C5orf47: variants seen among roughly 807,000 people sequenced by gnomAD.
The protein encoded by C5orf47 is uncharacterized protein C5orf47.
C5orf47 carries 20 observed loss-of-function variants against 20.6 expected under a neutral mutation model. The ratio of observed to expected loss-of-function variants is 0.97; its 90% CI spans 0.68 to 1.41. C5orf47 has a LOEUF of 1.41. Ranked by LOEUF, C5orf47 falls within the 40% of genes most tolerant of loss-of-function variation. The pLI, the probability that C5orf47 is intolerant of heterozygous loss-of-function variation, is 0.00. For missense variants in C5orf47, 262 were observed against 238.4 expected (o/e 1.10, Z -0.65); for synonymous variants, 106 against 97.3 (o/e 1.09, Z -0.53).
intron 4 of C5orf47, among the ~76,000 whole-genome samples, chr5:174,001,528 T>C (rs1759196744): frequency 6.6e-6 from 1 of 152,098 alleles, no homozygotes; most frequent in South Asian, 2.1e-4. Context: ...GGGTACAATA[T>C]GGTACATTAT....
At chr5:174,000,462 C>A (rs7702522) in intron 3 of C5orf47, among the ~76,000 whole-genome samples, 21,608 of 152,036 alleles carry the variant, frequency 0.14, 2,111 homozygotes, top group African/African-American at 0.27. Context: ...TGATAAATCA[C>A]AAGTTATTTT....
intron 3 of C5orf47, among the ~76,000 whole-genome samples, chr5:174,000,109 C>T (rs191604885): frequency 1.4e-4 from 22 of 152,170 alleles, no homozygotes; most frequent in Middle Eastern, 3.4e-3. Context: ...TTAAAAAATA[C>T]AAGTTACGAA....
At chr5:173,989,808 T>C (rs1758953813) in intron 1 of C5orf47, among the ~76,000 whole-genome samples, 1 of 152,214 alleles carries the variant, frequency 6.6e-6, no homozygotes, top group African/African-American at 2.4e-5. Context: ...GGAGAGGTTG[T>C]TGAATGGAGC....
At chr5:174,002,636 T>G (rs1168324923) in intron 4 of C5orf47, among the ~76,000 whole-genome samples, 1 of 152,178 alleles carries the variant, frequency 6.6e-6, no homozygotes, top group Non-Finnish European at 1.5e-5. Context: ...GTATATAACC[T>G]AAGAGCAAGA....
At chr5:173,994,721 G>A (rs1486311409) in intron 1 of C5orf47, among the ~76,000 whole-genome samples, 1 of 152,208 alleles carries the variant, frequency 6.6e-6, no homozygotes, top group East Asian at 1.9e-4. Context: ...TTATAGTCAA[G>A]GGAAGGGGGT....
rs915960106 is a variant in C5orf47, at chr5:174,005,703, T to G, written c.*1449T>G. On this transcript the variant is annotated 3_prime_UTR_variant, in exon 5 of 5. Coordinates refer to ENST00000340147, the MANE Select transcript of C5orf47 (RefSeq NM_001144954.2). ...ACACTGTTTATACTGTAATTTATGCTGCATAAAGTTTTGTAGTGAATGTGT... is the reference window on the plus strand; with the variant it reads ...ACACTGTTTATACTGTAATTTATGCGGCATAAAGTTTTGTAGTGAATGTGT... 2 of 152,366 alleles carry G rather than the reference T, an allele frequency of 1.3e-5. No homozygotes were observed. The highest frequency in any genetic ancestry group is 2.9e-5 in the Non-Finnish European group (2 of 68,032). The allele number at this position is 152,366 out of a possible 1,614,324, so 9.4% of individuals were successfully genotyped here.
rs1428581834 is a variant in C5orf47 at position 173,989,579 on chromosome 5, G to T, written c.316G>T (p.Ala106Ser). The change falls in exon 1 of 5, where the codon GCG becomes TCG. Residue 106 changes from alanine to serine, a missense_variant. By Grantham distance (99) the Ala-to-Ser change is moderately conservative. Transcript: ENST00000340147. The part of the protein sequence containing the change: ...SRVQSGTRQS[A>S]RAGLIQKDAA... The stretch of plus-strand genomic sequence containing the variant: ...AGTTCAGAGCGGCACCAGACAGTCG[G>T]CGCGTGCAGGTGGTGCAGCGGGGCA... The T allele has an allele frequency of 1.4e-6, 2 of 1,456,554 alleles. No homozygotes were observed. The highest frequency in any genetic ancestry group is 9.1e-7 in the Non-Finnish European group (1 of 1,104,368). The allele number at this position is 1,456,554 out of a possible 1,614,324, so 90.2% of individuals were successfully genotyped here. A position where few individuals can be genotyped will look rare whatever the true frequency, so the allele number is the denominator to read the frequency against.
In C5orf47 at chr5:174,005,390, C is replaced by T. The variant is rs568254227; in HGVS notation, c.*1136C>T. The T allele has an allele frequency of 6.6e-6, 1 of 152,302 alleles. No individual in the cohort carries two copies. Among genetic ancestry groups the T allele is most frequent in the South Asian group, 2.1e-4 (1 of 4,826 alleles). 9.4% of individuals were successfully genotyped at this position (152,302 alleles called of 1,614,324 possible). A position where few individuals can be genotyped will look rare whatever the true frequency, so the allele number is the denominator to read the frequency against. On this transcript the variant is annotated 3_prime_UTR_variant, in exon 5 of 5. Coordinates refer to ENST00000340147, the MANE Select transcript of C5orf47 (RefSeq NM_001144954.2). The stretch of plus-strand genomic sequence containing the variant: ...GTAATTCATAGTTTTGTTTTTTCCT[C>T]TAATAGTTGTAACTTAATTACTTCA...
At chr5:174,000,150 T>C (rs1380686075) in intron 3 of C5orf47, among the ~76,000 whole-genome samples, 1 of 152,146 alleles carries the variant, frequency 6.6e-6, no homozygotes, top group Non-Finnish European at 1.5e-5. Flanking sequence ...AAAAACATTT[T>C]AACTGCAATA....
intron 1 of C5orf47, among the ~76,000 whole-genome samples, chr5:173,997,037 A>C (rs1195282261): frequency 6.6e-6 from 1 of 152,246 alleles, no homozygotes; most frequent in African/African-American, 2.4e-5. Context: ...TTTAGAGCAT[A>C]TTCTAGTTTA....
chr5:174,009,495 G>T (rs371505354), downstream of C5orf47, among the ~76,000 whole-genome samples: 1 of 146,776 alleles, frequency 6.8e-6, no homozygotes, highest in South Asian at 2.1e-4. Context: ...TGTCAACACC[G>T]CTTTAGCTGT....
chr5:173,989,465 G>C lies in C5orf47; in HGVS notation c.202G>C (p.Glu68Gln). The change falls in exon 1 of 5, where the codon GAG (glutamate) becomes CAG (glutamine). Residue 68 changes from glutamate to glutamine, a missense_variant. By Grantham distance (29) the Glu-to-Gln change is conservative. Transcript: ENST00000340147. ...MAVAGVQGGS[E>Q]LPLGSQLRVP... ...GGTGGCGGGCGTTCAGGGTGGCAGC[G>C]AGCTGCCCCTCGGTTCCCAGCTCAG... 6.5e-7 allele frequency: 1 copy of C among 1,549,542 alleles called. No individual in the cohort carries two copies. Among genetic ancestry groups the C allele is most frequent in the South Asian group, 1.2e-5 (1 of 83,756 alleles).
rs920095243 is a variant in C5orf47 at position 173,989,193 on chromosome 5, G to A, written c.-71G>A. The stretch of plus-strand genomic sequence containing the variant: ...CTAACCGCTCCCGCATCCCTCGCCT[G>A]CACAGTGGGCAGTCTGGCGCCTGTG... On this transcript the variant is annotated 5_prime_UTR_variant, in exon 1 of 5. Coordinates refer to ENST00000340147, the MANE Select transcript of C5orf47 (RefSeq NM_001144954.2). 5 of 1,316,422 alleles carry A rather than the reference G, an allele frequency of 3.8e-6. No individual in the cohort carries two copies. Among genetic ancestry groups the A allele is most frequent in the South Asian group, 2.0e-5 (1 of 48,944 alleles). 81.5% of individuals were successfully genotyped at this position (1,316,422 alleles called of 1,614,324 possible).
At chr5:174,001,607 T>C (rs1452524267) in intron 4 of C5orf47, among the ~76,000 whole-genome samples, 1 of 152,164 alleles carries the variant, frequency 6.6e-6, no homozygotes, top group Non-Finnish European at 1.5e-5. Flanking sequence ...GAATATACTG[T>C]CATATTTAAT....
intron 1 of C5orf47, among the ~76,000 whole-genome samples, chr5:173,995,526 CTAT>C (rs1052728471): frequency 7.2e-5 from 11 of 152,348 alleles, no homozygotes; most frequent in African/African-American, 2.6e-4. Context: ...TAGTTAACCA[CTAT>C]TATTCTCAGT....
At position 173,999,756 on chromosome 5, in the gene C5orf47, A is replaced by G; in HGVS notation, c.468A>G (p.Glu156=). The part of the protein sequence containing the change: ...KVISRMLEEN[E]KYRHRLKCQR... ...TTTCAAGAATGCTTGAAGAAAATGA[A>G]AAATATAGACACAGGCTGAAATGCC... Residue 156 remains glutamate (E), a synonymous_variant, in exon 3 of 5, where the codon GAA becomes GAG. Coordinates refer to ENST00000340147, the MANE Select transcript of C5orf47 (RefSeq NM_001144954.2). The G allele has an allele frequency of 1.3e-6, 2 of 1,536,390 alleles. No homozygotes were observed. Among genetic ancestry groups the G allele is most frequent in the South Asian group, 1.2e-5 (1 of 81,788 alleles).
At chr5:173,998,560 T>G (rs921095470) in intron 2 of C5orf47, among the ~76,000 whole-genome samples, 1 of 152,156 alleles carries the variant, frequency 6.6e-6, no homozygotes. Flanking sequence ...TAATGTAGTA[T>G]AAGAAGAAAA....
downstream of C5orf47, among the ~76,000 whole-genome samples, chr5:174,006,491 A>C (rs193238475): frequency 3.9e-4 from 60 of 152,334 alleles, no homozygotes; most frequent in African/African-American, 1.4e-3. Flanking sequence ...GAAAAAAAAC[A>C]AACAGTGGAA....
intron 1 of C5orf47, among the ~76,000 whole-genome samples, chr5:173,991,119 T>C (rs1400419333): frequency 6.6e-6 from 1 of 152,242 alleles, no homozygotes; most frequent in Non-Finnish European, 1.5e-5. Flanking sequence ...TCGTATATGT[T>C]GAATCATAGA....
Sources: gnomAD v4.1 joint callset for allele counts (sites outside exome capture counted in the v4.1 genomes callset) on GRCh38, gnomAD v4.1.1 for gene constraint, MANE v1.5 for transcripts, NCBI Gene and HGNC (gene_info 2026-07-23, HGNC 2026-07-21) for gene names.